FOCAD: variants seen among roughly 807,000 people sequenced by gnomAD.
The protein encoded by FOCAD is KIAA1797.
FOCAD carries 198 observed loss-of-function variants against 225.6 expected under a neutral mutation model. That is an observed-to-expected ratio of 0.88 (90% confidence interval 0.78 to 0.99). FOCAD has a LOEUF of 0.99. Among genes scored for constraint, FOCAD ranks in the 50% least tolerant of loss-of-function variants. The pLI is 0.00. For missense variants in FOCAD, 2,713 were observed against 2,123.6 expected, an observed-to-expected ratio of 1.28 and a Z score of -5.46; for synonymous variants, 897 against 755.0, an observed-to-expected ratio of 1.19 and a Z score of -3.08.
intron 1 of FOCAD, among the ~76,000 whole-genome samples, chr9:20,702,093 G>C (rs188580914): frequency 3.3e-5 from 5 of 150,980 alleles, no homozygotes; most frequent in Admixed American, 1.3e-4. Context: ...CTTTATTATT[G>C]TTATTGTTAT....
At chr9:20,769,088 A>G (rs895614099) in intron 7 of FOCAD, among the ~76,000 whole-genome samples, 18 of 152,072 alleles carry the variant, frequency 1.2e-4, no homozygotes, top group African/African-American at 4.1e-4. Context: ...TGACTTTCCT[A>G]CTGTGTGTTT....
chr9:20,967,437 C>A (rs1839363716), intron 35 of FOCAD, among the ~76,000 whole-genome samples: 2 of 152,090 alleles, frequency 1.3e-5, no homozygotes, highest in Admixed American at 1.3e-4. Flanking sequence ...GGGATTTTCT[C>A]TATATAGGAT....
At chr9:20,781,170 G>GT (rs1378333330) in intron 9 of FOCAD, among the ~76,000 whole-genome samples, 4 of 152,278 alleles carry the variant, frequency 2.6e-5, no homozygotes, top group Non-Finnish European at 5.9e-5. Context: ...TATGTATCTG[G>GT]TGTGTAAGTT....
At chr9:20,775,116 T>C (rs1249849094) in intron 8 of FOCAD, among the ~76,000 whole-genome samples, 1 of 152,230 alleles carries the variant, frequency 6.6e-6, no homozygotes, top group Non-Finnish European at 1.5e-5. Flanking sequence ...TCCTACTCTG[T>C]TCTCTTTCTA....
At chr9:20,885,317 T>C in intron 21 of FOCAD, 87 bp downstream of exon 21, 1 of 1,267,622 alleles carries the variant, frequency 7.9e-7, no homozygotes, top group Non-Finnish European at 1.0e-6. Context: ...AAATAATTTT[T>C]TTGATCATAA....
chr9:20,801,654 A>G (rs929145744), intron 11 of FOCAD, among the ~76,000 whole-genome samples: 21 of 152,162 alleles, frequency 1.4e-4, no homozygotes, highest in African/African-American at 5.1e-4. Context: ...CAAAGAATGG[A>G]GTAAAATACA....
chr9:20,938,193 C>G (rs897043848), intron 28 of FOCAD, among the ~76,000 whole-genome samples: 1 of 152,186 alleles, frequency 6.6e-6, no homozygotes, highest in African/African-American at 2.4e-5. Context: ...GGATCTGGAA[C>G]TAGAAATACC....
intron 11 of FOCAD, among the ~76,000 whole-genome samples, chr9:20,810,601 A>G (rs751308731): frequency 4.6e-5 from 7 of 152,118 alleles, no homozygotes; most frequent in Non-Finnish European, 8.8e-5. Flanking sequence ...TTAGCAATGG[A>G]TATAACTGTT....
rs372092795 is a variant in FOCAD, at chr9:20,735,691, G to T, written c.288-4545G>T. ...CCATCATGCTTGGCTTATTTTTTAA[G>T]GTTTTTTTTTTTTTTGAAACGGGAT... On this transcript the variant is annotated intron_variant, in intron 4 of 43. Transcript: ENST00000338382. 2.7e-5 allele frequency among the ~76,000 whole-genome samples: 4 copies of T among 150,094 alleles called. No individual in the cohort carries two copies. The South Asian group carries it at 8.4e-4, about 31-fold the overall frequency.
chr9:20,827,230 C>T (rs1824993392), intron 15 of FOCAD, among the ~76,000 whole-genome samples: 1 of 152,054 alleles, frequency 6.6e-6, no homozygotes, highest in Non-Finnish European at 1.5e-5. Context: ...TAGCCCTAGG[C>T]AACCATGAGT....
chr9:20,811,940 T>G (rs1823121064), intron 11 of FOCAD, among the ~76,000 whole-genome samples: 1 of 152,114 alleles, frequency 6.6e-6, no homozygotes, highest in Admixed American at 6.6e-5. Flanking sequence ...TTATGTTTTA[T>G]CTTTTCAATT....
At chr9:20,793,068 G>A (rs1347081727) in intron 11 of FOCAD, among the ~76,000 whole-genome samples, 3 of 152,132 alleles carry the variant, frequency 2.0e-5, no homozygotes, top group Admixed American at 2.0e-4. Context: ...GCTACCCCCT[G>A]AAGTCAGTCG....
intron 2 of FOCAD, among the ~76,000 whole-genome samples, chr9:20,661,298 A>G (rs959946203): frequency 1.5e-4 from 23 of 152,216 alleles, no homozygotes; most frequent in African/African-American, 4.8e-4. Context: ...TTGAAATTGT[A>G]GTGTCAGCAC....
intron 37 of FOCAD, among the ~76,000 whole-genome samples, chr9:20,980,536 T>C (rs1273481836): frequency 1.3e-5 from 2 of 152,222 alleles, no homozygotes; most frequent in African/African-American, 4.8e-5. Context: ...TTCTTAAATA[T>C]AGAATGATCT....
chr9:20,713,676 GAC>G (rs1457229015), intron 1 of FOCAD, among the ~76,000 whole-genome samples: 1 of 152,190 alleles, frequency 6.6e-6, no homozygotes, highest in Admixed American at 6.5e-5. Flanking sequence ...AACTGTGCTG[GAC>G]ACACAATAGG....
At position 20,981,636 on chromosome 9, in the gene FOCAD, C is replaced by G; in HGVS notation, c.4588C>G (p.Leu1530Val). ...CCCTGCCCACCACCTCTGGAGTCTG[C>G]TCTCTGAAGCTACTGGGAAAATTTT... ...PSPAHHLWSLLSEATGKIFDL... is the reference protein window; with the variant it reads ...PSPAHHLWSLVSEATGKIFDL... The change falls in exon 38 of 44, where the codon CTC becomes GTC. Residue 1530 changes from leucine to valine, a missense_variant. Leu to Val is a conservative substitution (Grantham distance 32). Coordinates refer to ENST00000338382, the MANE Select transcript of FOCAD (RefSeq NM_001375567.1). 6.2e-7 allele frequency: 1 copy of G among 1,613,160 alleles called. No individual in the cohort carries two copies. Among genetic ancestry groups the G allele is most frequent in the Non-Finnish European group, 8.5e-7 (1 of 1,179,626 alleles).
chr9:20,838,199 C>G (rs1235720245), intron 15 of FOCAD, among the ~76,000 whole-genome samples: 1 of 151,746 alleles, frequency 6.6e-6, no homozygotes, highest in Non-Finnish European at 1.5e-5. Context: ...GGAGGTCATT[C>G]TAAAGCCTTT....
chr9:20,827,434 C>G (rs1241471027), intron 15 of FOCAD, among the ~76,000 whole-genome samples: 1 of 151,924 alleles, frequency 6.6e-6, no homozygotes, highest in African/African-American at 2.4e-5. Flanking sequence ...TTTTATTTAT[C>G]CACTTATCAA....
chr9:20,781,901 A>G lies in FOCAD; in HGVS notation c.1169A>G (p.Gln390Arg). ...LALNLLEMIQ[Q>R]ECYRDDHQKL... The stretch of plus-strand genomic sequence containing the variant: ...CTAAACCTTTTGGAAATGATACAGC[A>G]GGAATGTTACAGAGATGACCACCAA... The change falls in exon 10 of 44, where the codon CAG becomes CGG. Residue 390 changes from glutamine to arginine, a missense_variant. Gln to Arg is a conservative substitution (Grantham distance 43, BLOSUM62 1). Transcript: ENST00000338382. 1 of 1,613,992 alleles carries G rather than the reference A, an allele frequency of 6.2e-7. No individual in the cohort carries two copies. The highest frequency in any genetic ancestry group is 1.7e-5 in the Admixed American group (1 of 60,022).
Sources: gnomAD v4.1 joint callset for allele counts (sites outside exome capture counted in the v4.1 genomes callset) on GRCh38, gnomAD v4.1.1 for gene constraint, MANE v1.5 for transcripts, NCBI Gene and HGNC (gene_info 2026-07-23, HGNC 2026-07-21) for gene names.